Variants in RAVER2 observed in about 807,000 individuals in gnomAD.
RAVER2 encodes ribonucleoprotein, PTB binding 2.
RAVER2 carries 46 observed loss-of-function variants against 78.1 expected under a neutral mutation model. That is an observed-to-expected ratio of 0.59 (90% CI 0.46 to 0.75). The LOEUF (loss-of-function observed/expected upper bound fraction) is 0.75. Ranked by LOEUF, RAVER2 falls within the 30% of genes least tolerant of loss-of-function variation. The pLI is 0.00. For synonymous variants in RAVER2, 311 were observed against 313.3 expected, an observed-to-expected ratio of 0.99 and a Z score of 0.08; for missense variants, 793 against 837.5, an observed-to-expected ratio of 0.95 and a Z score of 0.66.
chr1:64,810,788 C>T (rs1653582039), intron 9 of RAVER2, among the ~76,000 whole-genome samples: 1 of 152,042 alleles, frequency 6.6e-6, no homozygotes. Flanking sequence ...GTTGTCATTG[C>T]TCAGTTTTTA....
chr1:64,833,179 G>GTT (rs894492972), exon 12 of RAVER2: 12 of 192,616 alleles, frequency 6.2e-5, no homozygotes, highest in African/African-American at 2.6e-4. Context: ...TAAGCAAATT[G>GTT]TTTGAAATGC....
intron 5 of RAVER2, among the ~76,000 whole-genome samples, chr1:64,799,658 C>A (rs1475465839): frequency 6.6e-6 from 1 of 152,132 alleles, no homozygotes; most frequent in Non-Finnish European, 1.5e-5. Context: ...CCAGGCTGAT[C>A]TCGAGCTCCT....
intron 11 of RAVER2, among the ~76,000 whole-genome samples, chr1:64,820,031 A>G (rs984112607): frequency 1.3e-5 from 2 of 152,162 alleles, no homozygotes; most frequent in Admixed American, 1.3e-4. Context: ...ATGTATATAG[A>G]TATAGTATAT....
intron 6 of RAVER2, among the ~76,000 whole-genome samples, chr1:64,803,522 A>C (rs1653328439): frequency 6.6e-6 from 1 of 152,280 alleles, no homozygotes; most frequent in South Asian, 2.1e-4. Flanking sequence ...GTGTGTTTAT[A>C]GATTTAAATG....
At chr1:64,757,736 C>G (rs575302657) in intron 1 of RAVER2, among the ~76,000 whole-genome samples, 1 of 152,102 alleles carries the variant, frequency 6.6e-6, no homozygotes, top group South Asian at 2.1e-4. Flanking sequence ...CTCTCAGGTC[C>G]TCTTAGTAGA....
Position 64,745,362 on chromosome 1 carries a change from G to T in RAVER2, c.190G>T (p.Glu64Ter), listed in dbSNP as rs757296290. 1 of 1,544,056 alleles carries T rather than the reference G, an allele frequency of 6.5e-7. No individual in the cohort carries two copies. Among genetic ancestry groups the T allele is most frequent in the Non-Finnish European group, 8.7e-7 (1 of 1,144,138 alleles). Reference sequence around the variant, plus strand: ...CGCGCGACTGCAGCGGATGCAGCGGGAGCTGAGCAACCGCAGGAAAATCCT... The same window carrying T: ...CGCGCGACTGCAGCGGATGCAGCGGTAGCTGAGCAACCGCAGGAAAATCCT... Residue 64 changes from glutamate (E) to a stop codon, truncating the protein, a stop_gained, in exon 1 of 12, where the codon GAG becomes TAG. Transcript: ENST00000294428. LOFTEE classifies it high-confidence loss of function. The surrounding 1 kb of genome is among the most constrained non-coding windows in gnomAD (Gnocchi z 4.3).
chr1:64,825,132 C>T (rs1166816053), intron 11 of RAVER2, among the ~76,000 whole-genome samples: 1 of 151,788 alleles, frequency 6.6e-6, no homozygotes, highest in African/African-American at 2.4e-5. Flanking sequence ...TCATTAATGT[C>T]ACAGAATGAA....
At chr1:64,786,768 G>A (rs901411477) in intron 4 of RAVER2, among the ~76,000 whole-genome samples, 4 of 152,118 alleles carry the variant, frequency 2.6e-5, no homozygotes, top group Non-Finnish European at 1.5e-5. Context: ...CCTCCAGCCT[G>A]GGTGACACAG....
chr1:64,779,453 C>T (rs1652568587), intron 3 of RAVER2, among the ~76,000 whole-genome samples: 1 of 152,054 alleles, frequency 6.6e-6, no homozygotes, highest in Non-Finnish European at 1.5e-5. Flanking sequence ...ACAGTAGTCC[C>T]ACACTCCTAG....
chr1:64,788,127 C>A (rs1225858156), intron 4 of RAVER2, among the ~76,000 whole-genome samples: 1 of 152,114 alleles, frequency 6.6e-6, no homozygotes, highest in Admixed American at 6.5e-5. Context: ...GTATGTAAGG[C>A]CAGCTCATTT....
chr1:64,746,263 A>C (rs979189431), intron 1 of RAVER2, among the ~76,000 whole-genome samples: 1 of 152,144 alleles, frequency 6.6e-6, no homozygotes, highest in Admixed American at 6.5e-5. Context: ...CCTGAAGATA[A>C]CCATTGTTAT....
intron 5 of RAVER2, among the ~76,000 whole-genome samples, chr1:64,791,921 T>A (rs1652952953): frequency 1.3e-5 from 2 of 152,222 alleles, no homozygotes; most frequent in Non-Finnish European, 1.5e-5. Flanking sequence ...CATTTTTTAT[T>A]TTACCTGTCT....
intron 4 of RAVER2, among the ~76,000 whole-genome samples, chr1:64,788,775 G>T (rs1348951176): frequency 2.1e-5 from 3 of 143,582 alleles, no homozygotes; most frequent in African/African-American, 7.9e-5. Context: ...CTGGGTGACA[G>T]AGCGAGACTC....
In RAVER2 at chr1:64,812,766, T is replaced by A; in HGVS notation, c.1709T>A (p.Leu570Ter). The A allele has an allele frequency of 6.2e-7, 1 of 1,612,856 alleles. No individual in the cohort carries two copies. Among genetic ancestry groups the A allele is most frequent in the South Asian group, 1.1e-5 (1 of 90,926 alleles). Residue 570 changes from leucine (L) to a stop codon, truncating the protein, a stop_gained, in exon 10 of 12, where the codon TTG becomes TAG. Transcript: ENST00000294428. LOFTEE classifies it high-confidence loss of function. ...GCCTCTAAGAATCAAACTTCACTCT[T>A]GGGAGAACCACCAAAAGAAATTCGG...
intron 4 of RAVER2, among the ~76,000 whole-genome samples, chr1:64,784,835 C>A (rs1652734915): frequency 6.6e-6 from 1 of 152,224 alleles, no homozygotes; most frequent in African/African-American, 2.4e-5. Flanking sequence ...ACTATCACAT[C>A]CTTTCAATTT....
At chr1:64,806,347 G>A (rs1436385095) in intron 8 of RAVER2, among the ~76,000 whole-genome samples, 1 of 152,170 alleles carries the variant, frequency 6.6e-6, no homozygotes, top group African/African-American at 2.4e-5. Flanking sequence ...GGAAGTCGAG[G>A]CTGCAGTGAG....
intron 3 of RAVER2, among the ~76,000 whole-genome samples, chr1:64,778,696 T>C (rs1156455318): frequency 6.7e-6 from 1 of 148,400 alleles, no homozygotes; most frequent in Admixed American, 6.7e-5. Flanking sequence ...TACATTCTAA[T>C]AAATATATAT....
exon 7 of RAVER2, chr1:64,804,832 T>A: frequency 6.5e-7 from 1 of 1,542,566 alleles, no homozygotes; most frequent in Middle Eastern, 1.7e-4. Context: ...ATATTCATAC[T>A]AATAATGTAA....
intron 5 of RAVER2, among the ~76,000 whole-genome samples, chr1:64,798,081 A>T (rs1490347797): frequency 1.5e-4 from 10 of 64,956 alleles, no homozygotes; most frequent in Admixed American, 7.3e-4. Flanking sequence ...CCCTCCCCCC[A>T]CCCCACCACA....
Sources: allele counts gnomAD v4.1 joint callset (sites outside exome capture counted in the v4.1 genomes callset), GRCh38; gene constraint gnomAD v4.1.1; non-coding constraint Gnocchi (gnomAD v3.1); transcripts MANE v1.5; gene names NCBI Gene and HGNC (gene_info 2026-07-23, HGNC 2026-07-21).